The following ANKS1B variants were observed in gnomAD, a reference collection of about 807,000 sequenced individuals.
The protein encoded by ANKS1B is ankyrin repeat and sterile alpha motif domain-containing protein 1B.
A neutral mutation model predicts 148.3 loss-of-function variants in ANKS1B; 36 were observed. The ratio of observed to expected loss-of-function variants is 0.24; its 90% CI spans 0.19 to 0.32. The LOEUF is 0.32. Ranked by LOEUF, ANKS1B falls within the 10% of genes least tolerant of loss-of-function variation. ANKS1B has a pLI of 1.00. For synonymous variants in ANKS1B, 542 were observed against 560.8 expected, an observed-to-expected ratio of 0.97 and a Z score of 0.47; for missense variants, 1,157 against 1,542.6, an observed-to-expected ratio of 0.75 and a Z score of 4.19.
At chr12:98,932,612 A>G (rs2099814673) in intron 17 of ANKS1B, among the ~76,000 whole-genome samples, 1 of 152,196 alleles carries the variant, frequency 6.6e-6, no homozygotes, top group South Asian at 2.1e-4. Context: ...GTTTTTGATA[A>G]TACCAAATAA....
Position 99,241,889 on chromosome 12 carries a change from G to C in ANKS1B, c.2419+2453C>G, listed in dbSNP as rs892604327. Among the ~76,000 whole-genome samples, 9 of 152,130 alleles carry C rather than the reference G, an allele frequency of 5.9e-5. 1 individual carries two copies. Among genetic ancestry groups the C allele is most frequent in the African/African-American group, 2.2e-4 (9 of 41,430 alleles). ...ACTCTCAATAAACTAGGTATTGATG[G>C]AATGTATCTCAAAATAATAAGAGCT... is the stretch of plus-strand genomic sequence containing the variant. On this transcript the variant is annotated intron_variant, in intron 14 of 26. Transcript: ENST00000683438.
chr12:99,682,443 A>G (rs563527400), intron 8 of ANKS1B, among the ~76,000 whole-genome samples: 4 of 152,206 alleles, frequency 2.6e-5, no homozygotes, highest in Non-Finnish European at 5.9e-5. Flanking sequence ...ATAAAATTGG[A>G]ACAAAAGGAA....
intron 14 of ANKS1B, among the ~76,000 whole-genome samples, chr12:99,220,842 T>C (rs910151820): frequency 6.6e-6 from 1 of 152,152 alleles, no homozygotes; most frequent in African/African-American, 2.4e-5. Flanking sequence ...AAAATAAAGT[T>C]TGATTCATAC....
At chr12:99,475,493 A>G (rs1036908078) in intron 10 of ANKS1B, among the ~76,000 whole-genome samples, 1 of 151,804 alleles carries the variant, frequency 6.6e-6, no homozygotes, top group African/African-American at 2.4e-5. Flanking sequence ...AAAACTATAT[A>G]TTTTATTAAA....
intron 17 of ANKS1B, among the ~76,000 whole-genome samples, chr12:98,995,644 T>C (rs2099929083): frequency 6.6e-6 from 1 of 152,168 alleles, no homozygotes; most frequent in Non-Finnish European, 1.5e-5. Context: ...CCATCCAATG[T>C]AGAACAACTA....
At chr12:99,914,859 G>C (rs1468988311) in intron 1 of ANKS1B, among the ~76,000 whole-genome samples, 3 of 151,998 alleles carry the variant, frequency 2.0e-5, no homozygotes, top group African/African-American at 7.2e-5. Flanking sequence ...ACCTGACGGG[G>C]GTGCCTTCCT....
At chr12:98,815,757 G>A (rs1277718615) in intron 19 of ANKS1B, among the ~76,000 whole-genome samples, 2 of 152,054 alleles carry the variant, frequency 1.3e-5, no homozygotes, top group Admixed American at 6.5e-5. Context: ...AAAGCCTATT[G>A]AATCTACTTC....
intron 1 of ANKS1B, among the ~76,000 whole-genome samples, chr12:99,877,053 T>C (rs1300353421): frequency 6.6e-6 from 1 of 152,144 alleles, no homozygotes; most frequent in Non-Finnish European, 1.5e-5. Context: ...TATACTGGTA[T>C]CCTACACAGT....
At chr12:99,362,448 G>A (rs2092538747) in intron 12 of ANKS1B, among the ~76,000 whole-genome samples, 3 of 151,912 alleles carry the variant, frequency 2.0e-5, no homozygotes, top group South Asian at 4.1e-4. Flanking sequence ...AGTGGCTAAA[G>A]GTCAGAAAAT....
intron 17 of ANKS1B, among the ~76,000 whole-genome samples, chr12:98,865,792 C>G (rs774909249): frequency 6.6e-6 from 1 of 152,080 alleles, no homozygotes; most frequent in Non-Finnish European, 1.5e-5. Flanking sequence ...AAGGCAATAG[C>G]TGGTATAGAG....
intron 1 of ANKS1B, among the ~76,000 whole-genome samples, chr12:99,866,502 G>A (rs1035075950): frequency 6.6e-6 from 1 of 152,098 alleles, no homozygotes; most frequent in African/African-American, 2.4e-5. Context: ...GTTTACTCTA[G>A]TAACATTAGC....
chr12:99,696,237 A>G (rs941854041), intron 8 of ANKS1B, among the ~76,000 whole-genome samples: 2 of 152,212 alleles, frequency 1.3e-5, no homozygotes, highest in Non-Finnish European at 2.9e-5. Flanking sequence ...GTCATTAGGA[A>G]GATACCTATA....
In ANKS1B at chr12:98,744,636, TTTTG is replaced by T. The variant is rs1319596050; in HGVS notation, c.*1099_*1102del. ...TAATCAAATAGTAAGCAAACTTTTT[TTTTG>T]TTTGTCTCAAGAAAAGTTTTATTAC... On this transcript the variant is annotated 3_prime_UTR_variant, in exon 27 of 27. Coordinates refer to ENST00000683438, the MANE Select transcript of ANKS1B (RefSeq NM_001352186.2). 13 of 859,734 alleles carry T rather than the reference TTTTG, an allele frequency of 1.5e-5. No individual in the cohort carries two copies. Among genetic ancestry groups the T allele is most frequent in the Non-Finnish European group, 1.8e-5 (13 of 715,488 alleles). The allele number at this position is 859,734 out of a possible 1,614,324, so 53.3% of individuals were successfully genotyped here. A position where few individuals can be genotyped will look rare whatever the true frequency, so the allele number is the denominator to read the frequency against.
chr12:99,489,249 A>C (rs1481557694), intron 10 of ANKS1B, among the ~76,000 whole-genome samples: 1 of 151,662 alleles, frequency 6.6e-6, no homozygotes, highest in Non-Finnish European at 1.5e-5. Context: ...CTCAGAAAAA[A>C]AAAAAAAAAA....
At chr12:99,790,239 C>T (rs115382964) in intron 4 of ANKS1B, among the ~76,000 whole-genome samples, 3,996 of 152,172 alleles carry the variant, frequency 0.026, 181 homozygotes, top group African/African-American at 0.091. Flanking sequence ...AGGAAGAAAA[C>T]TTTTACCCTA....
At position 98,865,026 on chromosome 12, in the gene ANKS1B, C is replaced by T. The variant is rs569788475; in HGVS notation, c.2779-32890G>A. The stretch of plus-strand genomic sequence containing the variant: ...CTTCAACATCTAATCAAATCATGTG[C>T]CTTCTCTAACCTCACTGTTGTTTTC... On this transcript the variant is annotated intron_variant, in intron 17 of 26. Coordinates refer to ENST00000683438, the MANE Select transcript of ANKS1B (RefSeq NM_001352186.2). Among the ~76,000 whole-genome samples, 12 of 152,270 alleles carry T rather than the reference C, an allele frequency of 7.9e-5. No homozygotes were observed. The South Asian group carries it at 1.9e-3, about 24-fold the overall frequency.
intron 10 of ANKS1B, among the ~76,000 whole-genome samples, chr12:99,486,928 ATTG>A (rs1435658140): frequency 6.6e-6 from 1 of 152,080 alleles, no homozygotes; most frequent in Non-Finnish European, 1.5e-5. Flanking sequence ...AAGGCTGTCT[ATTG>A]TTGTACCCAT....
chr12:99,211,706 T>C (rs552057769), intron 14 of ANKS1B, among the ~76,000 whole-genome samples: 37 of 152,242 alleles, frequency 2.4e-4, no homozygotes, highest in Non-Finnish European at 4.8e-4. Context: ...AAGAATGATG[T>C]TGAACACATG....
rs146679689 is a variant in ANKS1B at position 98,897,431 on chromosome 12, A to G, written c.2779-65295T>C. Among the ~76,000 whole-genome samples the G allele has an allele frequency of 8.0e-3, 1,225 of 152,336 alleles. 12 individuals are homozygous for G. Among genetic ancestry groups the G allele is most frequent in the African/African-American group, 0.025 (1,036 of 41,562 alleles). On this transcript the variant is annotated intron_variant, in intron 17 of 26. Coordinates refer to ENST00000683438, the MANE Select transcript of ANKS1B (RefSeq NM_001352186.2). ...AAGGACATGAGCAGACATTTCTCAA[A>G]CGAAGACATACAAGTGGCCAACAAA...
Sources: allele counts gnomAD v4.1 joint callset (sites outside exome capture counted in the v4.1 genomes callset), GRCh38; gene constraint gnomAD v4.1.1; transcripts MANE v1.5; gene names NCBI Gene and HGNC (gene_info 2026-07-23, HGNC 2026-07-21).